LANCL3: variants seen among roughly 807,000 people sequenced by gnomAD.
LANCL3 encodes the protein LanC like family member 3, also known as lanC-like protein 3.
In LANCL3, 19 loss-of-function variants were observed where a neutral mutation model predicts 26.5. That is an observed-to-expected ratio of 0.72 (90% confidence interval 0.50 to 1.05). The LOEUF (loss-of-function observed/expected upper bound fraction) is 1.05. Among genes scored for constraint, LANCL3 ranks in the 50% least tolerant of loss-of-function variants. The probability of loss-of-function intolerance (pLI) is 0.00; values close to 1 mark genes in which losing one functional copy is unlikely to be tolerated. For synonymous variants in LANCL3, 160 were observed against 166.6 expected (o/e 0.96, Z 0.30); for missense variants, 318 against 362.7 (o/e 0.88, Z 1.00).
At chrX:37,591,167 A>C (rs1304246833) in intron 1 of LANCL3, among the ~76,000 whole-genome samples, 1 of 107,444 alleles carries the variant, frequency 9.3e-6, no homozygotes, top group East Asian at 2.8e-4. Context: ...ATCATCACAC[A>C]GCTAGTAAAG....
intron 1 of LANCL3, among the ~76,000 whole-genome samples, chrX:37,630,008 G>T (rs1242999276): frequency 9.9e-5 from 11 of 111,627 alleles, no homozygotes; most frequent in African/African-American, 3.6e-4. Flanking sequence ...TAGCTTGATG[G>T]GGATGGCATT....
intron 1 of LANCL3, among the ~76,000 whole-genome samples, 171 bp downstream of exon 1, chrX:37,572,614 C>T (rs781833089): frequency 2.0e-4 from 22 of 112,493 alleles, no homozygotes; most frequent in African/African-American, 7.1e-4. Context: ...GCTTTTGTCC[C>T]TCTTCTTTCC....
intron 1 of LANCL3, among the ~76,000 whole-genome samples, chrX:37,653,314 CATAT>C (rs1328550807): frequency 9.0e-6 from 1 of 111,146 alleles, no homozygotes. Flanking sequence ...ACACACACAA[CATAT>C]GAATAAATGT....
chrX:37,636,247 C>T (rs1602120804), intron 1 of LANCL3, among the ~76,000 whole-genome samples: 2 of 111,837 alleles, frequency 1.8e-5, no homozygotes, highest in Non-Finnish European at 3.8e-5. Flanking sequence ...CATGTGTTTG[C>T]TATTGTGAAT....
chrX:37,616,301 G>A (rs782510579), intron 1 of LANCL3, among the ~76,000 whole-genome samples: 2 of 112,011 alleles, frequency 1.8e-5, no homozygotes, highest in Non-Finnish European at 1.9e-5. Flanking sequence ...ATTTTAAGAG[G>A]CACTTCTTGG....
intron 3 of LANCL3, among the ~76,000 whole-genome samples, chrX:37,661,729 G>A (rs1331874368): frequency 8.9e-6 from 1 of 111,972 alleles, no homozygotes; most frequent in East Asian, 2.8e-4. Context: ...ATTTTTGAGA[G>A]TAGATTTATG....
chrX:37,582,254 T>A (rs1923919637), intron 1 of LANCL3, among the ~76,000 whole-genome samples: 1 of 112,175 alleles, frequency 8.9e-6, no homozygotes, highest in African/African-American at 3.2e-5. Flanking sequence ...CGTGTGCATG[T>A]GTCTTTATAG....
At chrX:37,637,350 G>A (rs1346264374) in intron 1 of LANCL3, among the ~76,000 whole-genome samples, 7 of 111,721 alleles carry the variant, frequency 6.3e-5, no homozygotes, top group African/African-American at 2.3e-4. Flanking sequence ...TTGACATAGC[G>A]ATTTTTGCCA....
chrX:37,652,206 A>G (rs781978750), intron 1 of LANCL3, among the ~76,000 whole-genome samples: 1 of 111,010 alleles, frequency 9.0e-6, no homozygotes, highest in African/African-American at 3.3e-5. Flanking sequence ...GCTAGCAAAG[A>G]CTGCCACTTC....
chrX:37,632,506 C>G (rs1398172981), intron 1 of LANCL3, among the ~76,000 whole-genome samples: 6 of 111,085 alleles, frequency 5.4e-5, no homozygotes, highest in Admixed American at 4.8e-4. Context: ...GTGATGTTAG[C>G]TGGTTATTTT....
intron 1 of LANCL3, among the ~76,000 whole-genome samples, chrX:37,573,159 C>A (rs1464882278): frequency 8.9e-6 from 1 of 112,428 alleles, no homozygotes; most frequent in Non-Finnish European, 1.9e-5. Context: ...TTTACAGTGG[C>A]TCCTAAAAGT....
rs184050691 is a variant in LANCL3 at position 37,642,701 on chromosome X, A to T, written c.574-12987A>T. On this transcript the variant is annotated intron_variant, in intron 1 of 4. Coordinates refer to ENST00000378619, the MANE Select transcript of LANCL3 (RefSeq NM_001170331.2). ...ACATAGCCAACCCTAGCTACAAGGA[A>T]TGCAGGGTACTTGGCAAGGGACAAT... Among the ~76,000 whole-genome samples, 3 of 112,337 alleles carry T rather than the reference A, an allele frequency of 2.7e-5. No individual in the cohort carries two copies. In the East Asian group the frequency reaches 8.4e-4, roughly 31 times the overall value.
chrX:37,679,393 G>T lies in LANCL3; in HGVS notation c.*3580G>T, dbSNP rs1361497149. ...CTGAGCACAGCACTTTGCCTCAGAA[G>T]GTTCTGATTCACCAAGACTTACTAC... On this transcript the variant is annotated 3_prime_UTR_variant, in exon 5 of 5. Transcript: ENST00000378619. 9.0e-6 allele frequency: 1 copy of T among 111,369 alleles called. No individual in the cohort carries two copies. The highest frequency in any genetic ancestry group is 9.6e-5 in the Admixed American group (1 of 10,452). The allele number at this position is 111,369 out of a possible 1,213,427, so 9.2% of individuals were successfully genotyped here. A position where few individuals can be genotyped will look rare whatever the true frequency, so the allele number is the denominator to read the frequency against.
intron 1 of LANCL3, among the ~76,000 whole-genome samples, chrX:37,583,943 T>C (rs1923977498): frequency 8.9e-6 from 1 of 112,012 alleles, no homozygotes; most frequent in African/African-American, 3.3e-5. Context: ...AGTATGATAT[T>C]GGCTGTGTGT....
At chrX:37,667,510 C>CT (rs146169882) in intron 4 of LANCL3, 21 bp downstream of exon 4, 158,168 of 749,590 alleles carry the variant, frequency 0.21, 8,917 homozygotes, top group African/African-American at 0.62. Flanking sequence ...CTTTATGGGT[C>CT]TTTTTTTTTT....
At chrX:37,672,787 AG>A (rs1328538792) in intron 4 of LANCL3, among the ~76,000 whole-genome samples, 1 of 111,990 alleles carries the variant, frequency 8.9e-6, no homozygotes, top group African/African-American at 3.2e-5. Context: ...CTCAGAACAC[AG>A]AGTACATGAT....
rs928710913 is a variant in LANCL3, at chrX:37,680,523, T to A, written c.*4710T>A. 12 of 112,130 alleles carry A rather than the reference T, an allele frequency of 1.1e-4. No individual in the cohort carries two copies. In the Admixed American group the frequency reaches 1.1e-3, roughly 11 times the overall value. The allele number at this position is 112,130 out of a possible 1,213,427, so 9.2% of individuals were successfully genotyped here. A position where few individuals can be genotyped will look rare whatever the true frequency, so the allele number is the denominator to read the frequency against. On this transcript the variant is annotated 3_prime_UTR_variant, in exon 5 of 5. Coordinates refer to ENST00000378619, the MANE Select transcript of LANCL3 (RefSeq NM_001170331.2). Reference sequence around the variant, plus strand: ...TATCTGCAGAATTCCCAGAATCTTCTTTTGCCTTTGTGCACCTGCTAATTA... The same window carrying A: ...TATCTGCAGAATTCCCAGAATCTTCATTTGCCTTTGTGCACCTGCTAATTA...
chrX:37,615,573 A>G (rs1400911951), intron 1 of LANCL3, among the ~76,000 whole-genome samples: 1 of 112,145 alleles, frequency 8.9e-6, no homozygotes, highest in Admixed American at 9.5e-5. Flanking sequence ...ACAGATGGCT[A>G]TTATATAGTC....
chrX:37,670,627 T>C (rs1359986105), intron 4 of LANCL3, among the ~76,000 whole-genome samples: 1 of 111,501 alleles, frequency 9.0e-6, no homozygotes, highest in Non-Finnish European at 1.9e-5. Context: ...TATATAAATA[T>C]ATGAGTTCCA....
Sources: gnomAD v4.1 joint callset for allele counts (sites outside exome capture counted in the v4.1 genomes callset) on GRCh38, gnomAD v4.1.1 for gene constraint, MANE v1.5 for transcripts, NCBI Gene and HGNC (gene_info 2026-07-23, HGNC 2026-07-21) for gene names.